Variants in RNLS observed in about 807,000 individuals in gnomAD.
RNLS encodes the protein renalase, FAD dependent amine oxidase, also known as renalase.
A neutral mutation model predicts 39.8 loss-of-function variants in RNLS; 39 were observed. That is an observed-to-expected ratio of 0.98 (90% confidence interval 0.76 to 1.28). The LOEUF is 1.28. Ranked by LOEUF, RNLS falls within the 50% of genes most tolerant of loss-of-function variation. The pLI is 0.00. For synonymous variants in RNLS, 147 were observed against 150.7 expected (o/e 0.98, Z 0.18); for missense variants, 410 against 413.3 (o/e 0.99, Z 0.07).
At chr10:88,462,633 G>T (rs1321410372) in intron 4 of RNLS, among the ~76,000 whole-genome samples, 1 of 151,866 alleles carries the variant, frequency 6.6e-6, no homozygotes, top group African/African-American at 2.4e-5. Context: ...TGATTTTAAT[G>T]AATGTAAAAT....
the RNLS span, among the ~76,000 whole-genome samples, chr10:88,256,559 G>C: frequency 6.6e-6 from 1 of 152,146 alleles, no homozygotes; most frequent in Non-Finnish European, 1.5e-5. Flanking sequence ...TTTCATGCGG[G>C]GTCCGCCCAC....
chr10:88,332,281 T>C (rs984286168), intron 5 of RNLS, among the ~76,000 whole-genome samples: 5 of 152,396 alleles, frequency 3.3e-5, no homozygotes, highest in African/African-American at 1.2e-4. Context: ...TTGTAGTATT[T>C]ATAATCATTC....
intron 4 of RNLS, among the ~76,000 whole-genome samples, chr10:88,542,425 T>C (rs559997977): frequency 5.3e-5 from 8 of 152,204 alleles, no homozygotes; most frequent in Non-Finnish European, 1.2e-4. Context: ...AGACAACGTG[T>C]ACATCTTCTA....
At chr10:88,266,986 G>T in the RNLS span, among the ~76,000 whole-genome samples, 1 of 152,042 alleles carries the variant, frequency 6.6e-6, no homozygotes, top group South Asian at 2.1e-4. Flanking sequence ...CGTTGTCTTT[G>T]GTCTTCATAG....
chr10:88,210,074 C>T, the RNLS span, among the ~76,000 whole-genome samples: 3 of 152,188 alleles, frequency 2.0e-5, no homozygotes, highest in East Asian at 1.9e-4. Context: ...CCTGAGGCGA[C>T]GGATTTGCAG....
chr10:88,459,009 T>C (rs1842790937), intron 4 of RNLS, among the ~76,000 whole-genome samples: 1 of 152,198 alleles, frequency 6.6e-6, no homozygotes, highest in South Asian at 2.1e-4. Flanking sequence ...TCTCACTCAA[T>C]GCTTCCAACA....
At chr10:88,362,038 A>G (rs1242593311) in intron 5 of RNLS, among the ~76,000 whole-genome samples, 1 of 152,240 alleles carries the variant, frequency 6.6e-6, no homozygotes, top group South Asian at 2.1e-4. Flanking sequence ...TACCCGTTAC[A>G]TTGTTTATAA....
At chr10:88,420,442 A>C (rs1854336356) in intron 4 of RNLS, among the ~76,000 whole-genome samples, 1 of 152,220 alleles carries the variant, frequency 6.6e-6, no homozygotes, top group African/African-American at 2.4e-5. Flanking sequence ...CCAGAAGTCC[A>C]AACTCAAGGT....
At chr10:88,416,935 C>A (rs1854067428) in intron 4 of RNLS, among the ~76,000 whole-genome samples, 1 of 152,192 alleles carries the variant, frequency 6.6e-6, no homozygotes, top group African/African-American at 2.4e-5. Context: ...AAGATCAAAT[C>A]TTAAAAAAGT....
chr10:88,523,168 T>C (rs935758539), intron 4 of RNLS, among the ~76,000 whole-genome samples: 1 of 152,128 alleles, frequency 6.6e-6, no homozygotes, highest in African/African-American at 2.4e-5. Flanking sequence ...AAAGAAACTT[T>C]CAGAAGAGTC....
At chr10:88,181,241 CTA>C in the RNLS span, among the ~76,000 whole-genome samples, 1 of 152,086 alleles carries the variant, frequency 6.6e-6, no homozygotes, top group Non-Finnish European at 1.5e-5. Flanking sequence ...TTGGAGGTCT[CTA>C]GAAGCTAGGA....
the RNLS span, among the ~76,000 whole-genome samples, chr10:88,236,791 T>C: frequency 1.9e-3 from 288 of 152,316 alleles, 1 homozygote; most frequent in Non-Finnish European, 3.2e-3. Context: ...AGATGATGCC[T>C]GCAGAGTCTA....
chr10:88,402,454 T>C (rs982575787), intron 4 of RNLS, among the ~76,000 whole-genome samples: 4 of 152,006 alleles, frequency 2.6e-5, no homozygotes, highest in Admixed American at 6.6e-5. Flanking sequence ...ATAACAGCCA[T>C]TGCTGAGACA....
intron 4 of RNLS, among the ~76,000 whole-genome samples, chr10:88,468,778 G>A (rs1174337231): frequency 1.3e-5 from 2 of 152,128 alleles, no homozygotes; most frequent in African/African-American, 4.8e-5. Context: ...AGGAAGCCAT[G>A]TTCCCGTACT....
At chr10:88,405,992 C>T (rs1048752213) in intron 4 of RNLS, among the ~76,000 whole-genome samples, 2 of 151,926 alleles carry the variant, frequency 1.3e-5, no homozygotes, top group African/African-American at 2.4e-5. Flanking sequence ...TGCTTAGTTT[C>T]GCTGGATACA....
intron 4 of RNLS, among the ~76,000 whole-genome samples, chr10:88,426,406 G>GT (rs1173255331): frequency 6.6e-6 from 1 of 151,914 alleles, no homozygotes; most frequent in Admixed American, 6.6e-5. Flanking sequence ...TATGAGGGCT[G>GT]TAAGTTATAT....
intron 4 of RNLS, among the ~76,000 whole-genome samples, chr10:88,556,752 C>T (rs534866589): frequency 3.3e-5 from 5 of 152,146 alleles, no homozygotes; most frequent in Non-Finnish European, 5.9e-5. Context: ...ACTTTCACTA[C>T]CTTCAGGTGT....
rs1342414595 is a variant in RNLS, at chr10:88,284,294, G to A, written c.*1060C>T. On this transcript the variant is annotated 3_prime_UTR_variant, in exon 7 of 7. Transcript: ENST00000331772. ...GTAAGAAGTCTTTTGTTGAACTTTTGTTAGTTTGAGAGGCTGCAATGATTT... is the reference window on the plus strand; with the variant it reads ...GTAAGAAGTCTTTTGTTGAACTTTTATTAGTTTGAGAGGCTGCAATGATTT... 2.0e-6 allele frequency: 2 copies of A among 985,184 alleles called. No homozygotes were observed. The highest frequency in any genetic ancestry group is 2.4e-6 in the Non-Finnish European group (2 of 829,882). 61.0% of individuals were successfully genotyped at this position (985,184 alleles called of 1,614,324 possible).
At chr10:88,175,320 TC>T in the RNLS span, among the ~76,000 whole-genome samples, 1 of 152,160 alleles carries the variant, frequency 6.6e-6, no homozygotes, top group Non-Finnish European at 1.5e-5. Flanking sequence ...CTTTTCGAGA[TC>T]CTTAGGTGCA....
Sources: allele counts gnomAD v4.1 joint callset (sites outside exome capture counted in the v4.1 genomes callset), GRCh38; gene constraint gnomAD v4.1.1; transcripts MANE v1.5; gene names NCBI Gene and HGNC (gene_info 2026-07-23, HGNC 2026-07-21).